The following POC5 variants were observed in gnomAD, a reference collection of about 807,000 sequenced individuals.
POC5 encodes POC5 centriolar protein.
POC5 carries 48 observed loss-of-function variants against 62.9 expected under a neutral mutation model. The observed-to-expected ratio is 0.76, with a 90% CI of 0.61 to 0.97. POC5 has a LOEUF of 0.97. POC5 is among the 50% of genes least tolerant of loss of function. The probability of loss-of-function intolerance (pLI) is 0.00; values close to 1 mark genes in which losing one functional copy is unlikely to be tolerated. For missense variants in POC5, 696 were observed against 679.5 expected (o/e 1.02, Z -0.27); for synonymous variants, 236 against 228.2 (o/e 1.03, Z -0.31).
chr5:75,688,571 C>T lies in POC5; in HGVS notation c.1129+441G>A, dbSNP rs889714180. ...TTTGCTGCAATGAGCTTAGTTGAGGCCTTTCATAAACAGGAAGATTAGGAA... is the reference window on the plus strand; with the variant it reads ...TTTGCTGCAATGAGCTTAGTTGAGGTCTTTCATAAACAGGAAGATTAGGAA... On this transcript the variant is annotated intron_variant, in intron 9 of 11. Transcript: ENST00000428202. Among the ~76,000 whole-genome samples, 5 of 152,054 alleles carry T rather than the reference C, an allele frequency of 3.3e-5. No individual in the cohort carries two copies. The South Asian group carries it at 1.0e-3, about 32-fold the overall frequency.
At chr5:75,692,827 T>C (rs1052237445) in intron 6 of POC5, among the ~76,000 whole-genome samples, 11 of 152,016 alleles carry the variant, frequency 7.2e-5, no homozygotes, top group Admixed American at 1.3e-4. Flanking sequence ...TTCTCCTATA[T>C]ACACCATGTC....
rs188989841 is a variant in POC5 at position 75,678,477 on chromosome 5, C to T, written c.1408-527G>A. Reference sequence around the variant, plus strand: ...AGTCATATCCATCTCTCTGTTCCTTCCCCAACCATCCTTAACCTCTGGAAA... The same window carrying T: ...AGTCATATCCATCTCTCTGTTCCTTTCCCAACCATCCTTAACCTCTGGAAA... On this transcript the variant is annotated intron_variant, in intron 10 of 11. Coordinates refer to ENST00000428202, the MANE Select transcript of POC5 (RefSeq NM_001099271.2). Among the ~76,000 whole-genome samples, 119 of 152,230 alleles carry T rather than the reference C, an allele frequency of 7.8e-4. 1 individual carries two copies. The Middle Eastern group carries it at 0.01, about 13-fold the overall frequency.
intron 8 of POC5, chr5:75,689,460 A>G (rs1776227552): frequency 1.0e-6 from 1 of 984,506 alleles, no homozygotes; most frequent in Admixed American, 6.1e-5. Flanking sequence ...ACCATTTTTT[A>G]CTGTAAAACT....
intron 4 of POC5, 60 bp from the exon 5 acceptor site, chr5:75,702,870 G>T (rs1488689086): frequency 9.7e-6 from 13 of 1,344,122 alleles, no homozygotes; most frequent in Non-Finnish European, 1.3e-5. Flanking sequence ...AGTTGGTAAG[G>T]AACCATACTG....
chr5:75,692,337 G>A (rs1171749240), intron 7 of POC5, 59 bp downstream of exon 7: 9 of 1,176,836 alleles, frequency 7.6e-6, no homozygotes, highest in East Asian at 2.7e-5. Flanking sequence ...AAGTGATCCT[G>A]AGCACTTCTG....
In POC5 at chr5:75,677,898, G is replaced by A. The variant is rs952046003; in HGVS notation, c.1460C>T (p.Thr487Ile). Residue 487 changes from threonine (T) to isoleucine (I), a missense_variant, in exon 11 of 12, where the codon ACA (threonine) becomes ATA (isoleucine). Transcript: ENST00000428202. ...ATCACATCTTCCTGTGATCCGGGCT[G>A]TAATAGTTCTTCCTGCTTTCTGTTG... The part of the protein sequence containing the change: ...SAQQKAGRTI[T>I]ARITGRCDFA... The A allele has an allele frequency of 1.2e-6, 2 of 1,611,120 alleles. No individual in the cohort carries two copies. The highest frequency in any genetic ancestry group is 1.7e-6 in the Non-Finnish European group (2 of 1,178,510).
intron 5 of POC5, among the ~76,000 whole-genome samples, chr5:75,699,216 T>G (rs946104466): frequency 7.2e-5 from 11 of 152,180 alleles, no homozygotes; most frequent in Non-Finnish European, 8.8e-5. Flanking sequence ...TAACTCATTT[T>G]ATGAGGCCAA....
chr5:75,694,381 G>C (rs1487521628), intron 6 of POC5, among the ~76,000 whole-genome samples: 1 of 152,012 alleles, frequency 6.6e-6, no homozygotes, highest in African/African-American at 2.4e-5. Flanking sequence ...AATCATAATA[G>C]TTTTATACAT....
chr5:75,693,042 TTATA>T (rs1776407547), intron 6 of POC5, among the ~76,000 whole-genome samples: 1 of 148,248 alleles, frequency 6.7e-6, no homozygotes. Flanking sequence ...ATTATATATG[TTATA>T]TATACCTATT....
intron 4 of POC5, among the ~76,000 whole-genome samples, chr5:75,703,573 C>G (rs6875527): frequency 0.033 from 4,986 of 152,018 alleles, 263 homozygotes; most frequent in African/African-American, 0.11. Context: ...TTGCAGTGAG[C>G]CGAGATCGTG....
At chr5:75,674,980 C>CTGTT (rs1359909987) in intron 11 of POC5, among the ~76,000 whole-genome samples, 5 of 152,304 alleles carry the variant, frequency 3.3e-5, no homozygotes, top group East Asian at 1.9e-4. Context: ...CTCTACTTGA[C>CTGTT]TGTTAGTATG....
chr5:75,696,931 G>A (rs984361503), intron 5 of POC5, among the ~76,000 whole-genome samples: 4 of 151,846 alleles, frequency 2.6e-5, no homozygotes, highest in African/African-American at 7.3e-5. Flanking sequence ...GAGCTGATGC[G>A]ATCAACTGGA....
At chr5:75,696,956 C>G (rs1278591614) in intron 5 of POC5, among the ~76,000 whole-genome samples, 1 of 151,656 alleles carries the variant, frequency 6.6e-6, no homozygotes, top group African/African-American at 2.4e-5. Flanking sequence ...AGGGTATCAG[C>G]AATGGAAGAT....
At chr5:75,692,544 A>T (rs888789) in intron 6 of POC5, 44 bp from the exon 7 acceptor site, 1 of 1,382,698 alleles carries the variant, frequency 7.2e-7, no homozygotes, top group Non-Finnish European at 9.9e-7. Context: ...TTAAAATAAC[A>T]GCAATTGGTA....
At chr5:75,703,647 C>G (rs1776995310) in intron 4 of POC5, among the ~76,000 whole-genome samples, 1 of 151,864 alleles carries the variant, frequency 6.6e-6, no homozygotes, top group Non-Finnish European at 1.5e-5. Context: ...AAACAAAAAA[C>G]CTATTAAAAT....
intron 9 of POC5, among the ~76,000 whole-genome samples, chr5:75,687,723 G>T (rs1377852355): frequency 6.6e-6 from 1 of 152,128 alleles, no homozygotes; most frequent in East Asian, 1.9e-4. Context: ...TTTTAAGTAG[G>T]TTATAAGAAA....
Position 75,685,286 on chromosome 5 carries a change from G to A in POC5, c.1328C>T (p.Ala443Val), listed in dbSNP as rs1190214352. 1 of 1,614,050 alleles carries A rather than the reference G, an allele frequency of 6.2e-7. No homozygotes were observed. The highest frequency in any genetic ancestry group is 2.2e-5 in the East Asian group (1 of 44,888). ...AACGTGAACAGAAGATGCGGAAGCA[G>A]CCCTGGTAGAAGTCATCGAAGCAGC... is the stretch of plus-strand genomic sequence containing the variant. ...PSAASMTSTR[A>V]ASASSVHVPV... The change falls in exon 10 of 12, where the codon GCT becomes GTT. Residue 443 changes from alanine to valine, a missense_variant. By Grantham distance (64) the Ala-to-Val change is moderately conservative. Coordinates refer to ENST00000428202, the MANE Select transcript of POC5 (RefSeq NM_001099271.2).
chr5:75,688,757 T>G (rs1776196304), intron 9 of POC5, among the ~76,000 whole-genome samples: 1 of 152,240 alleles, frequency 6.6e-6, no homozygotes. Flanking sequence ...ATTAAAATAT[T>G]ATTTTCAACA....
intron 5 of POC5, among the ~76,000 whole-genome samples, chr5:75,699,101 AG>A (rs1188403295): frequency 6.6e-6 from 1 of 152,224 alleles, no homozygotes; most frequent in Non-Finnish European, 1.5e-5. Context: ...AAAAGAGTCC[AG>A]GACCAGATGG....
Sources: gnomAD v4.1 joint callset for allele counts (sites outside exome capture counted in the v4.1 genomes callset) on GRCh38, gnomAD v4.1.1 for gene constraint, MANE v1.5 for transcripts, NCBI Gene and HGNC (gene_info 2026-07-23, HGNC 2026-07-21) for gene names.